The following TRIM29 variants were observed in gnomAD, a reference collection of about 807,000 sequenced individuals.
The protein encoded by TRIM29 is tripartite motif containing 29.
Under a neutral mutation model 57.3 loss-of-function variants are expected in TRIM29, and 52 were observed. The ratio of observed to expected loss-of-function variants is 0.91; its 90% CI spans 0.73 to 1.14. TRIM29 has a LOEUF of 1.14. Among genes scored for constraint, TRIM29 ranks in the 50% most tolerant of loss-of-function variants. The pLI is 0.00. For synonymous variants in TRIM29, 319 were observed against 316.9 expected (o/e 1.01, Z -0.07); for missense variants, 753 against 774.6 (o/e 0.97, Z 0.33).
At position 120,125,743 on chromosome 11, in the gene TRIM29, C is replaced by T. The variant is rs369221956; in HGVS notation, c.1281G>A (p.Met427Ile). The change falls in exon 4 of 9, where the codon ATG (methionine) becomes ATA (isoleucine). Residue 427 changes from methionine (M) to isoleucine (I), a missense_variant. Coordinates refer to ENST00000341846, the MANE Select transcript of TRIM29 (RefSeq NM_012101.4). ...AGTTACGGCTCAGGTCCGCCTTGCA[C>T]ATCTTCTCAACGTGGCGCATGCATA... Reference protein sequence around the residue: ...LNVCMRHVEKMCKADLSRNFI... With the variant: ...LNVCMRHVEKICKADLSRNFI... 111 of 1,614,116 alleles carry T rather than the reference C, an allele frequency of 6.9e-5. No homozygotes were observed. Among genetic ancestry groups the T allele is most frequent in the Non-Finnish European group, 9.1e-5 (107 of 1,180,062 alleles).
At chr11:120,128,528 G>C (rs759867910) in intron 1 of TRIM29, 33 bp from the exon 2 acceptor site, 34 of 1,597,700 alleles carry the variant, frequency 2.1e-5, no homozygotes, top group East Asian at 1.1e-4. Context: ...GGAGAAGTCA[G>C]GGGGAGGAGA....
Position 120,115,220 on chromosome 11 carries a change from C to T in TRIM29, c.1704+118G>A, listed in dbSNP as rs530410141. The T allele has an allele frequency of 1.2e-5, 12 of 982,292 alleles. No individual in the cohort carries two copies. The South Asian group carries it at 1.3e-4, about 10-fold the overall frequency. 60.8% of individuals were successfully genotyped at this position (982,292 alleles called of 1,614,324 possible). On this transcript the variant is annotated intron_variant, in intron 8 of 8. Transcript: ENST00000341846. ...AGGCCACTGCTGCCTCCTTCTCCTCCACCCCATGGCCCAGAGAAGTCCTCC... is the reference window on the plus strand; with the variant it reads ...AGGCCACTGCTGCCTCCTTCTCCTCTACCCCATGGCCCAGAGAAGTCCTCC...
Position 120,122,163 on chromosome 11 carries a change from T to TGTGTGTGTGTGTGTGA in TRIM29, c.1435+790_1435+791insTCACACACACACACAC, listed in dbSNP as rs780959243. Among the ~76,000 whole-genome samples, 13 of 148,974 alleles carry TGTGTGTGTGTGTGTGA rather than the reference T, an allele frequency of 8.7e-5. 1 individual carries two copies. The highest frequency in any genetic ancestry group is 8.3e-4 in the East Asian group (4 of 4,808). ...GTGTGTGTGTGTGTGTGTGTGTGTG[T>TGTGTGTGTGTGTGTGA]GAAAGACGTGTGTGAATTACTGATT... is the stretch of plus-strand genomic sequence containing the variant. On this transcript the variant is annotated intron_variant, in intron 5 of 8. Coordinates refer to ENST00000341846, the MANE Select transcript of TRIM29 (RefSeq NM_012101.4).
chr11:120,118,407 C>A (rs904012675), intron 6 of TRIM29, 86 bp from the exon 7 acceptor site: 3 of 1,003,408 alleles, frequency 3.0e-6, no homozygotes, highest in African/African-American at 1.6e-5. Context: ...GTCTATGACT[C>A]TCTAGCCGCT....
chr11:120,115,470 C>T (rs1591317096), intron 7 of TRIM29, 56 bp from the exon 8 acceptor site: 7 of 1,509,486 alleles, frequency 4.6e-6, no homozygotes, highest in Admixed American at 1.8e-5. Context: ...CAGGGGTGCC[C>T]GGGCCCAGAG....
rs141416675 is a variant in TRIM29, at chr11:120,132,915, AT to A, written c.804+4312del. Among the ~76,000 whole-genome samples, 542 of 152,128 alleles carry A rather than the reference AT, an allele frequency of 3.6e-3. 5 individuals are homozygous for A. Among genetic ancestry groups the A allele is most frequent in the African/African-American group, 0.011 (473 of 41,494 alleles). Reference sequence around the variant, plus strand: ...AGCCTCAGGTCAGGGGAGGGGTGAGATGGGGCAAGGAAGGTATCACCCTGGC... The same window carrying A: ...AGCCTCAGGTCAGGGGAGGGGTGAGAGGGGCAAGGAAGGTATCACCCTGGC... On this transcript the variant is annotated intron_variant, in intron 1 of 8. Transcript: ENST00000341846.
intron 8 of TRIM29, among the ~76,000 whole-genome samples, chr11:120,113,377 G>A (rs1312085638): frequency 3.3e-5 from 5 of 152,134 alleles, no homozygotes; most frequent in Admixed American, 1.3e-4. Flanking sequence ...AGGATGGAGT[G>A]GAAGAGCACA....
intron 1 of TRIM29, among the ~76,000 whole-genome samples, chr11:120,136,045 C>T (rs1018315553): frequency 1.3e-5 from 2 of 152,182 alleles, no homozygotes; most frequent in Admixed American, 6.5e-5. Context: ...GCCTCTGCTC[C>T]TCCCCATAGA....
chr11:120,137,361 T>C lies in TRIM29; in HGVS notation c.671A>G (p.Lys224Arg), dbSNP rs775167280. 1.9e-6 allele frequency: 3 copies of C among 1,613,634 alleles called. No homozygotes were observed. Among genetic ancestry groups the C allele is most frequent in the Non-Finnish European group, 8.5e-7 (1 of 1,179,990 alleles). Reference protein sequence around the residue: ...LEPIRDFEARKCPVHGKTMEL... With the variant: ...LEPIRDFEARRCPVHGKTMEL... ...CATCGTCTTGCCATGCACGGGACACTTGCGGGCCTCAAAGTCCCGGATGGG... is the reference window on the plus strand; with the variant it reads ...CATCGTCTTGCCATGCACGGGACACCTGCGGGCCTCAAAGTCCCGGATGGG... Residue 224 changes from lysine (K) to arginine (R), a missense_variant, in exon 1 of 9, where the codon AAG (lysine) becomes AGG (arginine). Lys to Arg is a conservative substitution (Grantham distance 26). Coordinates refer to ENST00000341846, the MANE Select transcript of TRIM29 (RefSeq NM_012101.4). The surrounding 1 kb of genome is among the most constrained non-coding windows in gnomAD (Gnocchi z 6.2).
chr11:120,129,315 T>C lies in TRIM29; in HGVS notation c.805-820A>G, dbSNP rs143561238. ...CACAATAGAGACAAAAGGAGAGGCA[T>C]GAAGCTAAGGCCAATCCCATCCAGC... On this transcript the variant is annotated intron_variant, in intron 1 of 8. Transcript: ENST00000341846. Among the ~76,000 whole-genome samples, 41 of 152,206 alleles carry C rather than the reference T, an allele frequency of 2.7e-4. No individual in the cohort carries two copies. In the East Asian group the frequency reaches 7.3e-3, roughly 27 times the overall value.
At position 120,137,560 on chromosome 11, in the gene TRIM29, T is replaced by G. The variant is rs761589547; in HGVS notation, c.472A>C (p.Thr158Pro). The G allele has an allele frequency of 6.2e-7, 1 of 1,611,110 alleles. No homozygotes were observed. The highest frequency in any genetic ancestry group is 1.3e-5 in the African/African-American group (1 of 74,878). ...TRRNSYPRAD[T>P]GLFSRSKSGS... ...GACTTGGACCGTGAAAAAAGGCCCGTGTCGGCCCGGGGGTAGCTGTTCCGC... is the reference window on the plus strand; with the variant it reads ...GACTTGGACCGTGAAAAAAGGCCCGGGTCGGCCCGGGGGTAGCTGTTCCGC... Residue 158 changes from threonine to proline, a missense_variant, in exon 1 of 9, where the codon ACG becomes CCG. Transcript: ENST00000341846. This position sits in a 1 kb window ranked among gnomAD's most constrained non-coding sequence, Gnocchi z 6.2.
Position 120,113,427 on chromosome 11 carries a change from C to T in TRIM29, c.1705-951G>A, listed in dbSNP as rs985773498. ...CACCCACGCAAGCACCATCAGCCCC[C>T]GGGGGTCTCAGGAAGAGGATTTGTC... is the stretch of plus-strand genomic sequence containing the variant. On this transcript the variant is annotated intron_variant, in intron 8 of 8. Transcript: ENST00000341846. 2.5e-4 allele frequency: 80 copies of T among 315,098 alleles called. 1 individual carries two copies. Among genetic ancestry groups the T allele is most frequent in the African/African-American group, 4.5e-4 (21 of 46,456 alleles). The allele number at this position is 315,098 out of a possible 1,614,324, so 19.5% of individuals were successfully genotyped here. A position where few individuals can be genotyped will look rare whatever the true frequency, so the allele number is the denominator to read the frequency against.
Position 120,112,349 on chromosome 11 carries a change from A to T in TRIM29, c.*65T>A. Reference sequence around the variant, plus strand: ...ACCCAGACAAGCACAGTAGCTTAGAAGGCAAGAGCAGCAGGGTCAGGAGGA... The same window carrying T: ...ACCCAGACAAGCACAGTAGCTTAGATGGCAAGAGCAGCAGGGTCAGGAGGA... On this transcript the variant is annotated 3_prime_UTR_variant, in exon 9 of 9. Coordinates refer to ENST00000341846, the MANE Select transcript of TRIM29 (RefSeq NM_012101.4). 6.3e-7 allele frequency: 1 copy of T among 1,590,568 alleles called. No homozygotes were observed. The highest frequency in any genetic ancestry group is 1.7e-5 in the Admixed American group (1 of 59,686).
chr11:120,113,589 G>A (rs1863192590), intron 8 of TRIM29: 6 of 455,936 alleles, frequency 1.3e-5, no homozygotes, highest in African/African-American at 2.0e-5. Context: ...ACACCTCCTG[G>A]TCAGCTCCTT....
At chr11:120,114,539 T>A (rs1028741273) in intron 8 of TRIM29, among the ~76,000 whole-genome samples, 1 of 152,218 alleles carries the variant, frequency 6.6e-6, no homozygotes, top group Non-Finnish European at 1.5e-5. Context: ...GCCATCCACA[T>A]GCCACGGCAG....
chr11:120,134,745 G>A (rs1013613351), intron 1 of TRIM29, among the ~76,000 whole-genome samples: 2 of 152,142 alleles, frequency 1.3e-5, no homozygotes, highest in African/African-American at 4.8e-5. Context: ...ATCCCCTTGG[G>A]GCCCTTTCCC....
At chr11:120,115,532 C>T (rs1863245515) in intron 7 of TRIM29, 118 bp from the exon 8 acceptor site, 2 of 864,544 alleles carry the variant, frequency 2.3e-6, no homozygotes, top group East Asian at 5.2e-5. Flanking sequence ...CAGCCCATTA[C>T]CAAATGCAGC....
chr11:120,137,964 G>A lies in TRIM29; in HGVS notation c.68C>T (p.Ser23Leu), dbSNP rs1863855957. 1.9e-6 allele frequency: 3 copies of A among 1,606,110 alleles called. No homozygotes were observed. The highest frequency in any genetic ancestry group is 1.1e-5 in the South Asian group (1 of 91,062). Residue 23 changes from serine to leucine, a missense_variant, in exon 1 of 9, where the codon TCG becomes TTG. Ser to Leu is a moderately radical substitution (Grantham distance 145). Transcript: ENST00000341846. The surrounding 1 kb of genome is among the most constrained non-coding windows in gnomAD (Gnocchi z 6.2). ...SPEARDARSP[S>L]GPSGSLENGT... ...ATTCTCCAGGCTGCCACTGGGGCCC[G>A]ACGGGCTCCGGGCATCCCTGGCTTC...
At chr11:120,120,003 G>A (rs1306359450) in intron 6 of TRIM29, among the ~76,000 whole-genome samples, 1 of 152,012 alleles carries the variant, frequency 6.6e-6, no homozygotes, top group African/African-American at 2.4e-5. Flanking sequence ...GGGTCTTAAG[G>A]TGCTGCTCGC....
Sources: allele counts gnomAD v4.1 joint callset (sites outside exome capture counted in the v4.1 genomes callset), GRCh38; gene constraint gnomAD v4.1.1; non-coding constraint Gnocchi (gnomAD v3.1); transcripts MANE v1.5; gene names NCBI Gene and HGNC (gene_info 2026-07-23, HGNC 2026-07-21).